Variants in GPC5 observed in about 807,000 individuals in gnomAD.
The protein encoded by GPC5 is glypican-5.
GPC5 carries 47 observed loss-of-function variants against 53.9 expected under a neutral mutation model. The ratio of observed to expected loss-of-function variants is 0.87; its 90% CI spans 0.69 to 1.11. The LOEUF (loss-of-function observed/expected upper bound fraction) is 1.11, where lower values mean the gene tolerates loss of function less well. Among genes scored for constraint, GPC5 ranks in the 50% most tolerant of loss-of-function variants. The pLI is 0.00. For synonymous variants in GPC5, 286 were observed against 263.3 expected (o/e 1.09, Z -0.84); for missense variants, 748 against 713.1 (o/e 1.05, Z -0.56).
At chr13:92,640,256 G>GTTGTT (rs1282181718) in intron 7 of GPC5, among the ~76,000 whole-genome samples, 14 of 151,832 alleles carry the variant, frequency 9.2e-5, no homozygotes, top group East Asian at 1.9e-4. Flanking sequence ...GTGCCCAGAT[G>GTTGTT]TTGTTTTGTT....
At chr13:91,638,733 C>G (rs1412081295) in intron 2 of GPC5, among the ~76,000 whole-genome samples, 1 of 152,032 alleles carries the variant, frequency 6.6e-6, no homozygotes, top group South Asian at 2.1e-4. Flanking sequence ...GGATTGGATT[C>G]AAAAAATTTT....
chr13:92,527,531 A>C lies in GPC5; in HGVS notation c.1562-338751A>C, dbSNP rs1279645503. Among the ~76,000 whole-genome samples the C allele has an allele frequency of 2.6e-5, 4 of 152,208 alleles. No individual in the cohort carries two copies. The East Asian group carries it at 7.7e-4, about 29-fold the overall frequency. On this transcript the variant is annotated intron_variant, in intron 7 of 7. Transcript: ENST00000377067. ...GTCACCGGTGAGCTTGAGAAGAGTA[A>C]AATCACGGCAGTAATGGATAGGTAA...
intron 7 of GPC5, among the ~76,000 whole-genome samples, chr13:92,333,786 G>A (rs77588021): frequency 0.014 from 2,059 of 152,126 alleles, 23 homozygotes; most frequent in Admixed American, 0.029. Context: ...AATTTGAAGA[G>A]GCAGAGCAAG....
At chr13:92,123,363 T>TG (rs2041666847) in intron 6 of GPC5, among the ~76,000 whole-genome samples, 4 of 152,170 alleles carry the variant, frequency 2.6e-5, no homozygotes, top group Non-Finnish European at 5.9e-5. Context: ...TTATATGACA[T>TG]TTATAACAGG....
chr13:91,523,991 TTTA>T (rs570309255), intron 2 of GPC5, among the ~76,000 whole-genome samples: 1 of 151,998 alleles, frequency 6.6e-6, no homozygotes, highest in South Asian at 2.1e-4. Context: ...GAAAACTACA[TTTA>T]TTATCCTAAT....
At chr13:92,343,838 A>G (rs965900092) in intron 7 of GPC5, among the ~76,000 whole-genome samples, 1 of 152,074 alleles carries the variant, frequency 6.6e-6, no homozygotes, top group Non-Finnish European at 1.5e-5. Context: ...AATTTGAAAC[A>G]TTTGATTTCC....
intron 4 of GPC5, among the ~76,000 whole-genome samples, chr13:91,743,364 A>T (rs1043255158): frequency 7.2e-5 from 11 of 152,146 alleles, no homozygotes; most frequent in Non-Finnish European, 1.5e-5. Flanking sequence ...CTGTGGGGGC[A>T]TAATTTAAGA....
At chr13:91,889,044 C>T (rs2039356807) in intron 5 of GPC5, among the ~76,000 whole-genome samples, 1 of 152,202 alleles carries the variant, frequency 6.6e-6, no homozygotes, top group African/African-American at 2.4e-5. Flanking sequence ...TACTGCCTCG[C>T]CTCCCAGGGC....
intron 5 of GPC5, among the ~76,000 whole-genome samples, chr13:91,848,879 C>A (rs1416395533): frequency 6.6e-6 from 1 of 152,122 alleles, no homozygotes; most frequent in Admixed American, 6.6e-5. Context: ...TTTAAAAAAT[C>A]AGATATTCCT....
rs189631617 is a variant in GPC5 at position 92,415,099 on chromosome 13, T to C, written c.1561+270110T>C. Among the ~76,000 whole-genome samples the C allele has an allele frequency of 3.5e-3, 536 of 152,264 alleles. 1 individual carries two copies. Among genetic ancestry groups the C allele is most frequent in the African/African-American group, 0.012 (490 of 41,562 alleles). ...GAAGGGAATGAAAGAAGCTGGAATG[T>C]GGAGCAGCAAGTGGGAGATGCGAGA... On this transcript the variant is annotated intron_variant, in intron 7 of 7. Coordinates refer to ENST00000377067, the MANE Select transcript of GPC5 (RefSeq NM_004466.6).
At chr13:92,234,120 C>T (rs887365506) in intron 7 of GPC5, among the ~76,000 whole-genome samples, 1 of 152,132 alleles carries the variant, frequency 6.6e-6, no homozygotes, top group Non-Finnish European at 1.5e-5. Flanking sequence ...AATAAACATA[C>T]ATGTGCATGT....
Position 91,909,244 on chromosome 13 carries a change from G to T in GPC5, c.1401+1187G>T, listed in dbSNP as rs553858613. Among the ~76,000 whole-genome samples the T allele has an allele frequency of 3.9e-4, 59 of 152,326 alleles. 1 individual carries two copies. Among genetic ancestry groups the T allele is most frequent in the African/African-American group, 1.3e-3 (53 of 41,580 alleles). On this transcript the variant is annotated intron_variant, in intron 6 of 7. Transcript: ENST00000377067. ...CGATGAGTTAAACCTCCCAGCCTCT[G>T]CTGAGCTGGTCCAGTTGGTACCTCA...
intron 2 of GPC5, among the ~76,000 whole-genome samples, chr13:91,484,131 T>C (rs1465356635): frequency 6.6e-6 from 1 of 152,204 alleles, no homozygotes; most frequent in Non-Finnish European, 1.5e-5. Flanking sequence ...ATTTTTCGAG[T>C]GTGTTCACAC....
intron 7 of GPC5, chr13:92,339,767 A>G (rs1012535033): frequency 2.6e-5 from 4 of 152,150 alleles, no homozygotes; most frequent in African/African-American, 9.6e-5. Context: ...CATTCTCAAA[A>G]GGCATTAAAG....
intron 7 of GPC5, among the ~76,000 whole-genome samples, chr13:92,273,434 C>A (rs1483788290): frequency 6.6e-6 from 1 of 151,910 alleles, no homozygotes; most frequent in Non-Finnish European, 1.5e-5. Flanking sequence ...ATAATAATAT[C>A]TTTTAAGTAT....
Position 91,483,213 on chromosome 13 carries a change from C to T in GPC5, c.325+34291C>T, listed in dbSNP as rs138955296. Among the ~76,000 whole-genome samples, 946 of 152,158 alleles carry T rather than the reference C, an allele frequency of 6.2e-3. 2 individuals are homozygous for T. The highest frequency in any genetic ancestry group is 0.024 in the Middle Eastern group (7 of 294). On this transcript the variant is annotated intron_variant, in intron 2 of 7. Transcript: ENST00000377067. ...ATAGTAGAGCCTGGTAAAGATAAAACGAGTTTTCCTCAATACCTGATCTTC... is the reference window on the plus strand; with the variant it reads ...ATAGTAGAGCCTGGTAAAGATAAAATGAGTTTTCCTCAATACCTGATCTTC...
chr13:92,628,506 C>T (rs867828257), intron 7 of GPC5, among the ~76,000 whole-genome samples: 1 of 151,862 alleles, frequency 6.6e-6, no homozygotes, highest in Non-Finnish European at 1.5e-5. Flanking sequence ...GAGACATTCC[C>T]GTGTCCATGC....
chr13:91,533,921 A>T (rs1249681855), intron 2 of GPC5, among the ~76,000 whole-genome samples: 1 of 152,190 alleles, frequency 6.6e-6, no homozygotes, highest in African/African-American at 2.4e-5. Flanking sequence ...GATATTTCAG[A>T]TGAAATATTC....
intron 7 of GPC5, among the ~76,000 whole-genome samples, chr13:92,587,981 A>G (rs111450353): frequency 0.01 from 1,551 of 151,988 alleles, 30 homozygotes; most frequent in African/African-American, 0.036. Flanking sequence ...ATAGGTATAC[A>G]TGTGCCATGG....
Sources: gnomAD v4.1 joint callset for allele counts (sites outside exome capture counted in the v4.1 genomes callset) on GRCh38, gnomAD v4.1.1 for gene constraint, MANE v1.5 for transcripts, NCBI Gene and HGNC (gene_info 2026-07-23, HGNC 2026-07-21) for gene names.